ST7: variants seen among roughly 807,000 people sequenced by gnomAD.
ST7 encodes the protein suppression of tumorigenicity 7.
ST7 carries 28 observed loss-of-function variants against 78.7 expected under a neutral mutation model. The ratio of observed to expected loss-of-function variants is 0.36; its 90% CI spans 0.26 to 0.49. ST7 has a LOEUF of 0.49. ST7 is among the 20% of genes least tolerant of loss of function. ST7 has a pLI of 0.99. For synonymous variants in ST7, 247 were observed against 249.6 expected (o/e 0.99, Z 0.10); for missense variants, 418 against 696.0 (o/e 0.60, Z 4.49).
intron 11 of ST7, among the ~76,000 whole-genome samples, chr7:117,189,903 G>A (rs899789479): frequency 6.6e-6 from 1 of 152,152 alleles, no homozygotes; most frequent in Non-Finnish European, 1.5e-5. Flanking sequence ...AGGTGACTAT[G>A]ACATATAGAC....
chr7:117,002,209 C>T (rs1794964405), intron 1 of ST7, among the ~76,000 whole-genome samples: 1 of 152,074 alleles, frequency 6.6e-6, no homozygotes, highest in East Asian at 1.9e-4. Context: ...GCCTGGGCGA[C>T]AGAGCAAGAC....
At chr7:117,006,965 C>T (rs569742796) in intron 1 of ST7, among the ~76,000 whole-genome samples, 1 of 152,274 alleles carries the variant, frequency 6.6e-6, no homozygotes, top group Non-Finnish European at 1.5e-5. Flanking sequence ...CTCCATTGAC[C>T]TACCCTTCTC....
chr7:116,978,414 C>G (rs1793799425), intron 1 of ST7, among the ~76,000 whole-genome samples: 1 of 152,170 alleles, frequency 6.6e-6, no homozygotes, highest in African/African-American at 2.4e-5. Flanking sequence ...ATAGAATGGA[C>G]CAATTACATT....
intron 1 of ST7, among the ~76,000 whole-genome samples, chr7:117,037,915 T>A (rs1181039010): frequency 6.6e-6 from 1 of 152,220 alleles, no homozygotes; most frequent in Non-Finnish European, 1.5e-5. Flanking sequence ...TGTTGATGAT[T>A]GATATCTTGA....
At chr7:117,095,136 A>G (rs1038393919) in intron 1 of ST7, among the ~76,000 whole-genome samples, 1 of 152,168 alleles carries the variant, frequency 6.6e-6, no homozygotes. Flanking sequence ...AGACTGGGTT[A>G]TATGCCTGCT....
chr7:117,005,134 T>G (rs568008633), intron 1 of ST7, among the ~76,000 whole-genome samples: 13 of 152,344 alleles, frequency 8.5e-5, no homozygotes, highest in African/African-American at 2.4e-4. Flanking sequence ...CTAGAATCTT[T>G]TACATTCCCA....
chr7:116,976,976 C>G (rs973217957), intron 1 of ST7, among the ~76,000 whole-genome samples: 1 of 152,096 alleles, frequency 6.6e-6, no homozygotes, highest in Non-Finnish European at 1.5e-5. Flanking sequence ...TAGTTTTAGC[C>G]TCCACTCTAA....
intron 1 of ST7, among the ~76,000 whole-genome samples, chr7:117,044,005 G>C (rs1797362287): frequency 1.3e-5 from 2 of 152,314 alleles, no homozygotes; most frequent in Admixed American, 1.3e-4. Context: ...ACTAAGACCA[G>C]GACTTACTCT....
rs942717587 is a variant in ST7, at chr7:117,109,074, G to A, written c.234+9230G>A. Among the ~76,000 whole-genome samples the A allele has an allele frequency of 6.6e-5, 10 of 152,110 alleles. No individual in the cohort carries two copies. The South Asian group carries it at 1.2e-3, about 19-fold the overall frequency. On this transcript the variant is annotated intron_variant, in intron 2 of 15. Transcript: ENST00000323984. ...TTGACAGTTTGACTTCCTCTTTACC[G>A]ATTTGAATGCCCTTTATTTCTTTCT...
At chr7:116,982,940 C>T (rs186300547) in intron 1 of ST7, among the ~76,000 whole-genome samples, 20 of 152,110 alleles carry the variant, frequency 1.3e-4, no homozygotes, top group Admixed American at 9.8e-4. Flanking sequence ...CTCTTGTTGC[C>T]CAGGCTGGAG....
intron 1 of ST7, among the ~76,000 whole-genome samples, chr7:116,995,532 A>G (rs1489218900): frequency 6.6e-6 from 1 of 152,210 alleles, no homozygotes; most frequent in Non-Finnish European, 1.5e-5. Flanking sequence ...TTGGGAGCCC[A>G]TGGGAAGCAA....
chr7:117,122,567 A>C (rs192876171), intron 3 of ST7, among the ~76,000 whole-genome samples: 1 of 152,338 alleles, frequency 6.6e-6, no homozygotes, highest in East Asian at 1.9e-4. Context: ...AGTGCCTACT[A>C]TGCATTCTAT....
At chr7:116,982,381 C>T (rs1014614800) in intron 1 of ST7, among the ~76,000 whole-genome samples, 3 of 152,000 alleles carry the variant, frequency 2.0e-5, no homozygotes, top group Admixed American at 1.3e-4. Flanking sequence ...TGCACCATCA[C>T]GCCCGGCTAA....
intron 1 of ST7, chr7:116,954,441 C>T (rs550396994): frequency 3.3e-5 from 5 of 152,400 alleles, no homozygotes; most frequent in South Asian, 2.1e-4. Flanking sequence ...GATCTTTGCT[C>T]GTCTCCCTTC....
intron 1 of ST7, among the ~76,000 whole-genome samples, chr7:117,068,376 A>C (rs772696524): frequency 7.9e-5 from 12 of 152,210 alleles, no homozygotes; most frequent in Non-Finnish European, 1.5e-4. Context: ...TAATTTGTTT[A>C]CAAATTAACT....
chr7:117,110,610 G>C (rs970621917), intron 2 of ST7, among the ~76,000 whole-genome samples: 10 of 152,234 alleles, frequency 6.6e-5, no homozygotes, highest in African/African-American at 2.4e-4. Context: ...CACTGCCTCT[G>C]TGGTCAGCTG....
chr7:117,113,321 T>G (rs915084875), intron 2 of ST7, among the ~76,000 whole-genome samples: 1 of 152,170 alleles, frequency 6.6e-6, no homozygotes, highest in African/African-American at 2.4e-5. Context: ...AAGGTTTGCC[T>G]GGGAAGGTGG....
At chr7:117,210,727 T>C (rs1428351589) in intron 13 of ST7, among the ~76,000 whole-genome samples, 1 of 152,106 alleles carries the variant, frequency 6.6e-6, no homozygotes, top group Non-Finnish European at 1.5e-5. Context: ...AAGGACACCA[T>C]GTGAAGAAAT....
At chr7:117,226,985 GA>G (rs1793489695) in intron 15 of ST7, among the ~76,000 whole-genome samples, 2 of 152,184 alleles carry the variant, frequency 1.3e-5, no homozygotes, top group African/African-American at 4.8e-5. Context: ...GCAGCATGGG[GA>G]AAAGGGAGCA....
Sources: gnomAD v4.1 joint callset for allele counts (sites outside exome capture counted in the v4.1 genomes callset) on GRCh38, gnomAD v4.1.1 for gene constraint, MANE v1.5 for transcripts, NCBI Gene and HGNC (gene_info 2026-07-23, HGNC 2026-07-21) for gene names.